Variants in ZDHHC11 observed in about 807,000 individuals in gnomAD.
ZDHHC11 encodes palmitoyltransferase ZDHHC11.
A neutral mutation model predicts 51.3 loss-of-function variants in ZDHHC11; 44 were observed. The ratio of observed to expected loss-of-function variants is 0.86; its 90% CI spans 0.67 to 1.10. The LOEUF (loss-of-function observed/expected upper bound fraction) is 1.10. Ranked by LOEUF, ZDHHC11 falls within the 50% of genes least tolerant of loss-of-function variation. The pLI is 0.00. For missense variants in ZDHHC11, 400 were observed against 537.7 expected, an observed-to-expected ratio of 0.74 and a Z score of 2.53; for synonymous variants, 163 against 222.0, an observed-to-expected ratio of 0.73 and a Z score of 2.36.
At chr5:808,618 C>A (rs1330681654) in intron 11 of ZDHHC11, among the ~76,000 whole-genome samples, 2 of 148,906 alleles carry the variant, frequency 1.3e-5, no homozygotes, top group African/African-American at 4.9e-5. Flanking sequence ...TCACTGCAAC[C>A]TTCACCTCCC....
At chr5:847,418 C>T (rs188387149) in intron 3 of ZDHHC11, 96 bp downstream of exon 3, 1 of 1,546,342 alleles carries the variant, frequency 6.5e-7, no homozygotes, top group East Asian at 2.3e-5. Flanking sequence ...AGAGGACCCT[C>T]CACCCTTTCA....
upstream of ZDHHC11, among the ~76,000 whole-genome samples, chr5:854,517 A>AC (rs1747840776): frequency 7.0e-6 from 1 of 143,416 alleles, no homozygotes; most frequent in Non-Finnish European, 1.5e-5. Flanking sequence ...GGGGGGAGAG[A>AC]CACCATGGAG....
upstream of ZDHHC11, among the ~76,000 whole-genome samples, chr5:860,069 C>T (rs1748710891): frequency 6.6e-6 from 1 of 152,192 alleles, no homozygotes; most frequent in Non-Finnish European, 1.5e-5. This position sits in a 1 kb window ranked among gnomAD's most constrained non-coding sequence, Gnocchi z 4.2. Context: ...CCTGCAGTGG[C>T]CAGAGGTCTG....
Position 849,051 on chromosome 5 carries a change from C to T in ZDHHC11, c.223-391G>A, listed in dbSNP as rs187002395. On this transcript the variant is annotated intron_variant, in intron 1 of 12. Coordinates refer to ENST00000283441, the MANE Select transcript of ZDHHC11 (RefSeq NM_024786.3). The stretch of plus-strand genomic sequence containing the variant: ...GGCCCTATACACCCGGCCCTTCACA[C>T]ATGGCCCTGCACACACAGCCCTGCT... Among the ~76,000 whole-genome samples, 97 of 151,832 alleles carry T rather than the reference C, an allele frequency of 6.4e-4. 1 individual carries two copies. In the East Asian group the frequency reaches 0.018, roughly 29 times the overall value.
At chr5:812,550 A>G (rs1171437909) in intron 11 of ZDHHC11, among the ~76,000 whole-genome samples, 3 of 151,486 alleles carry the variant, frequency 2.0e-5, no homozygotes, top group Admixed American at 6.6e-5. Flanking sequence ...AAAACTAAAA[A>G]TACCTTGCTA....
chr5:856,796 C>T (rs1243414295), intron 1 of ZDHHC11, among the ~76,000 whole-genome samples: 1 of 151,642 alleles, frequency 6.6e-6, no homozygotes, highest in Non-Finnish European at 1.5e-5. Flanking sequence ...ACAAACCACA[C>T]ACAGAGCACA....
intron 11 of ZDHHC11, 41 bp from the exon 12 acceptor site, chr5:801,205 T>C (rs1239646976): frequency 6.2e-7 from 1 of 1,606,194 alleles, no homozygotes. Context: ...AGAGAACGTA[T>C]GATGTAATAC....
intron 5 of ZDHHC11, among the ~76,000 whole-genome samples, chr5:838,423 C>T (rs1428965930): frequency 6.6e-6 from 1 of 152,108 alleles, no homozygotes; most frequent in African/African-American, 2.4e-5. Context: ...GAGACTGGGG[C>T]GGCCGCCCAC....
intron 3 of ZDHHC11, among the ~76,000 whole-genome samples, chr5:846,859 CG>C: frequency 6.9e-6 from 1 of 144,382 alleles, no homozygotes; most frequent in African/African-American, 2.7e-5. Flanking sequence ...AAACACCTCT[CG>C]TTCTTGCACC....
upstream of ZDHHC11, among the ~76,000 whole-genome samples, chr5:853,483 GCA>G (rs559288488): frequency 2.0e-4 from 30 of 148,680 alleles, no homozygotes; most frequent in South Asian, 6.5e-3. Flanking sequence ...CGAGCGAGGA[GCA>G]CAGACCCCAC....
rs56961185 is a variant in ZDHHC11 at position 808,984 on chromosome 5, T to TACACACACACACACACAC, written c.1181+5759_1181+5776dup. 1.4e-3 allele frequency among the ~76,000 whole-genome samples: 184 copies of TACACACACACACACACAC among 133,824 alleles called. 2 individuals carry two copies. Among genetic ancestry groups the TACACACACACACACACAC allele is most frequent in the African/African-American group, 4.9e-3 (172 of 35,452 alleles). 87.8% of individuals were successfully genotyped at this position (133,824 alleles called of 152,430 possible). On this transcript the variant is annotated intron_variant, in intron 11 of 12. Coordinates refer to ENST00000283441, the MANE Select transcript of ZDHHC11 (RefSeq NM_024786.3). ...CATGCTCCATCTTTTGACCATCAGT[T>TACACACACACACACACAC]ACACACACACACACACACACACACA...
Position 825,155 on chromosome 5 carries a change from G to A in ZDHHC11, c.1023+9C>T, listed in dbSNP as rs369977244. The stretch of plus-strand genomic sequence containing the variant: ...ACCTCGGGGTGCATCGCTGGTGACT[G>A]CAACTTACCCGTGCCGTCGAATCCC... On this transcript the variant is annotated intron_variant, in intron 8 of 12. Transcript: ENST00000283441. 13 of 1,609,648 alleles carry A rather than the reference G, an allele frequency of 8.1e-6. No homozygotes were observed. Among genetic ancestry groups the A allele is most frequent in the East Asian group, 4.5e-5 (2 of 44,874 alleles).
At chr5:819,750 C>T in intron 9 of ZDHHC11, 138 bp from the exon 10 acceptor site, 2 of 861,040 alleles carry the variant, frequency 2.3e-6, no homozygotes. Context: ...CCAGCAGCTC[C>T]CGGGAGGTTG....
chr5:842,669 G>C, intron 4 of ZDHHC11: 1 of 984,374 alleles, frequency 1.0e-6, no homozygotes, highest in Non-Finnish European at 1.2e-6. Flanking sequence ...CAGGGTCCTG[G>C]CGCTGCTGCA....
intron 11 of ZDHHC11, among the ~76,000 whole-genome samples, chr5:808,704 T>A (rs1189076069): frequency 6.8e-6 from 1 of 146,282 alleles, no homozygotes; most frequent in Non-Finnish European, 1.5e-5. Flanking sequence ...CTAGCTAATT[T>A]TTTTTTTTTT....
intron 11 of ZDHHC11, among the ~76,000 whole-genome samples, chr5:802,994 C>G (rs1390774768): frequency 6.7e-6 from 1 of 148,642 alleles, no homozygotes; most frequent in Non-Finnish European, 1.5e-5. Context: ...GCACTCTAGC[C>G]TGGGCGACAG....
At chr5:829,722 T>C (rs1295891167) in intron 7 of ZDHHC11, among the ~76,000 whole-genome samples, 1 of 151,502 alleles carries the variant, frequency 6.6e-6, no homozygotes, top group Non-Finnish European at 1.5e-5. Flanking sequence ...CTCATGAATA[T>C]AGATGCAAAA....
chr5:820,569 G>A (rs971860833), intron 9 of ZDHHC11, among the ~76,000 whole-genome samples: 3 of 151,222 alleles, frequency 2.0e-5, no homozygotes, highest in Non-Finnish European at 3.0e-5. Context: ...GGTGGGGCTG[G>A]TGCACACCTG....
intron 10 of ZDHHC11, 41 bp downstream of exon 10, chr5:819,484 T>C (rs751082553): frequency 6.3e-7 from 1 of 1,589,750 alleles, no homozygotes; most frequent in African/African-American, 1.3e-5. Flanking sequence ...ATTCTGCACA[T>C]GGCCCTGTCC....
Sources: gnomAD v4.1 joint callset for allele counts (sites outside exome capture counted in the v4.1 genomes callset) on GRCh38, gnomAD v4.1.1 for gene constraint, Gnocchi (gnomAD v3.1) non-coding constraint, MANE v1.5 for transcripts, NCBI Gene and HGNC (gene_info 2026-07-23, HGNC 2026-07-21) for gene names.